Variants in ADAMTSL1 observed in about 807,000 individuals in gnomAD.
The protein encoded by ADAMTSL1 is ADAMTS like 1.
A neutral mutation model predicts 201.8 loss-of-function variants in ADAMTSL1; 126 were observed. The observed-to-expected ratio is 0.62, with a 90% confidence interval of 0.54 to 0.72. The LOEUF (loss-of-function observed/expected upper bound fraction) is 0.72, where lower values mean the gene tolerates loss of function less well. ADAMTSL1 is among the 30% of genes least tolerant of loss of function. The pLI is 0.00. For missense variants in ADAMTSL1, 2,679 were observed against 2,277.8 expected, an observed-to-expected ratio of 1.18 and a Z score of -3.59; for synonymous variants, 1,121 against 903.4, an observed-to-expected ratio of 1.24 and a Z score of -4.32.
chr9:17,920,857 C>T (rs757677941), intron 1 of ADAMTSL1, among the ~76,000 whole-genome samples: 12 of 152,160 alleles, frequency 7.9e-5, no homozygotes, highest in Non-Finnish European at 4.4e-5. Context: ...GACTGTGTTC[C>T]AATAAACTAT....
chr9:18,182,787 CT>C (rs1347890823), intron 2 of ADAMTSL1, among the ~76,000 whole-genome samples: 1 of 152,108 alleles, frequency 6.6e-6, no homozygotes, highest in Admixed American at 6.5e-5. Flanking sequence ...AGGTTACATG[CT>C]TTGTAGGTAG....
At chr9:18,588,174 A>C (rs1485433590) in intron 4 of ADAMTSL1, among the ~76,000 whole-genome samples, 2 of 152,058 alleles carry the variant, frequency 1.3e-5, no homozygotes, top group Non-Finnish European at 2.9e-5. Flanking sequence ...TCTGAGGCGA[A>C]ATGATACATT....
chr9:18,773,938 G>A lies in ADAMTSL1; in HGVS notation c.2398-1805G>A, dbSNP rs534426100. Among the ~76,000 whole-genome samples the A allele has an allele frequency of 5.3e-5, 8 of 152,324 alleles. No homozygotes were observed. In the East Asian group the frequency reaches 1.2e-3, roughly 22 times the overall value. The stretch of plus-strand genomic sequence containing the variant: ...ATAATTTTCAGACTATAAAAGCAAT[G>A]GGTTTGATTCTCACCACTATCCTTT... On this transcript the variant is annotated intron_variant, in intron 17 of 28. Coordinates refer to ENST00000380548, the MANE Select transcript of ADAMTSL1 (RefSeq NM_001040272.6).
intron 23 of ADAMTSL1, among the ~76,000 whole-genome samples, chr9:18,872,038 C>G (rs1056635792): frequency 6.6e-6 from 1 of 152,184 alleles, no homozygotes. Context: ...GTAGTTTTTA[C>G]TCCCAGCCAC....
At chr9:17,954,306 C>T (rs183078745) in intron 1 of ADAMTSL1, among the ~76,000 whole-genome samples, 15 of 152,262 alleles carry the variant, frequency 9.9e-5, no homozygotes, top group East Asian at 5.8e-4. Context: ...ATTTCTGCCA[C>T]GTTCTATTGA....
intron 10 of ADAMTSL1, among the ~76,000 whole-genome samples, chr9:18,679,216 T>C (rs1039348130): frequency 7.9e-5 from 12 of 152,180 alleles, no homozygotes; most frequent in Non-Finnish European, 1.3e-4. Context: ...CTGTGCAACA[T>C]TTTAAAATTT....
chr9:18,768,455 C>T (rs376054818), intron 16 of ADAMTSL1, among the ~76,000 whole-genome samples: 12 of 116,996 alleles, frequency 1.0e-4, no homozygotes, highest in African/African-American at 9.9e-5. Flanking sequence ...TGAGCCTCAG[C>T]TTTTTTTTTT....
chr9:18,736,364 C>T (rs1818500543), intron 15 of ADAMTSL1, among the ~76,000 whole-genome samples: 1 of 152,070 alleles, frequency 6.6e-6, no homozygotes, highest in Non-Finnish European at 1.5e-5. Context: ...GTGTTACCTG[C>T]TAGGTACTAC....
intron 1 of ADAMTSL1, among the ~76,000 whole-genome samples, chr9:18,147,203 T>G (rs1042511750): frequency 6.6e-6 from 1 of 152,158 alleles, no homozygotes; most frequent in African/African-American, 2.4e-5. Flanking sequence ...TGAATTCATT[T>G]TGCTGATTTG....
At chr9:18,542,003 G>A (rs1211034976) in intron 3 of ADAMTSL1, among the ~76,000 whole-genome samples, 2 of 152,200 alleles carry the variant, frequency 1.3e-5, no homozygotes, top group Non-Finnish European at 2.9e-5. Context: ...AATGAAATGT[G>A]TCTGGTTGTG....
intron 1 of ADAMTSL1, among the ~76,000 whole-genome samples, chr9:17,977,562 G>A (rs1013843078): frequency 6.6e-6 from 1 of 151,892 alleles, no homozygotes; most frequent in African/African-American, 2.4e-5. Flanking sequence ...TTTTTTATAG[G>A]TTATTAAATT....
chr9:17,910,617 A>T (rs113965325), intron 1 of ADAMTSL1, among the ~76,000 whole-genome samples: 3 of 69,016 alleles, frequency 4.3e-5, no homozygotes, highest in African/African-American at 8.8e-5. Flanking sequence ...GCTGCTGTCC[A>T]CATGTGAGGA....
intron 2 of ADAMTSL1, among the ~76,000 whole-genome samples, chr9:18,261,589 T>C (rs1167979836): frequency 2.0e-5 from 3 of 152,206 alleles, no homozygotes; most frequent in African/African-American, 7.2e-5. Context: ...GGGGAGACTT[T>C]AGAGGAAAAT....
intron 9 of ADAMTSL1, among the ~76,000 whole-genome samples, chr9:18,670,818 A>G (rs754286214): frequency 5.3e-5 from 8 of 152,208 alleles, no homozygotes; most frequent in Non-Finnish European, 1.0e-4. Context: ...GTTAGAAGTT[A>G]GTACAGTTGG....
At chr9:18,343,411 A>G (rs1396317296) in intron 2 of ADAMTSL1, among the ~76,000 whole-genome samples, 1 of 152,056 alleles carries the variant, frequency 6.6e-6, no homozygotes, top group East Asian at 1.9e-4. Context: ...TCTGGACCCC[A>G]CCAGTGATCA....
At chr9:18,145,217 T>C (rs1826585624) in intron 1 of ADAMTSL1, among the ~76,000 whole-genome samples, 1 of 152,202 alleles carries the variant, frequency 6.6e-6, no homozygotes, top group Non-Finnish European at 1.5e-5. Context: ...AAAGGTATAT[T>C]AGTAACAAAA....
chr9:18,014,724 A>G (rs1039265882), intron 1 of ADAMTSL1, among the ~76,000 whole-genome samples: 9 of 148,104 alleles, frequency 6.1e-5, no homozygotes, highest in Middle Eastern at 3.3e-3. Flanking sequence ...GGGGAATTGC[A>G]GGGAGGCCAA....
At chr9:18,023,494 A>G (rs1249132266) in intron 1 of ADAMTSL1, among the ~76,000 whole-genome samples, 1 of 152,216 alleles carries the variant, frequency 6.6e-6, no homozygotes, top group South Asian at 2.1e-4. Flanking sequence ...AAGAACCCCA[A>G]GATCAGCCAC....
chr9:18,854,138 C>T (rs569421469), intron 23 of ADAMTSL1, among the ~76,000 whole-genome samples: 17 of 152,142 alleles, frequency 1.1e-4, no homozygotes, highest in Middle Eastern at 3.4e-3. Context: ...ACAGTTTTTC[C>T]TTTCACAAAG....
Sources: allele counts gnomAD v4.1 joint callset (sites outside exome capture counted in the v4.1 genomes callset), GRCh38; gene constraint gnomAD v4.1.1; transcripts MANE v1.5; gene names NCBI Gene and HGNC (gene_info 2026-07-23, HGNC 2026-07-21).